Variants in BFSP1 observed in about 807,000 individuals in gnomAD.
The protein encoded by BFSP1 is beaded filament structural protein 1.
BFSP1 carries 38 observed loss-of-function variants against 43.9 expected under a neutral mutation model. The ratio of observed to expected loss-of-function variants is 0.87; its 90% CI spans 0.67 to 1.14. The LOEUF (loss-of-function observed/expected upper bound fraction) is 1.14, where lower values mean the gene tolerates loss of function less well. Ranked by LOEUF, BFSP1 falls within the 50% of genes most tolerant of loss-of-function variation. The probability of loss-of-function intolerance (pLI) is 0.00; values close to 1 mark genes in which losing one functional copy is unlikely to be tolerated. For missense variants in BFSP1, 850 were observed against 875.1 expected, an observed-to-expected ratio of 0.97 and a Z score of 0.36; for synonymous variants, 352 against 354.8, an observed-to-expected ratio of 0.99 and a Z score of 0.09.
Position 17,496,984 on chromosome 20 carries a change from G to A in BFSP1, c.996C>T (p.Phe332=). 6.5e-7 allele frequency: 1 copy of A among 1,544,594 alleles called. No homozygotes were observed. Among genetic ancestry groups the A allele is most frequent in the Non-Finnish European group, 8.7e-7 (1 of 1,145,234 alleles). Residue 332 remains phenylalanine, a synonymous_variant, in exon 7 of 8, where the codon TTC becomes TTT. Coordinates refer to ENST00000377873, the MANE Select transcript of BFSP1 (RefSeq NM_001195.5). The part of the protein sequence containing the change: ...SAFIETPIPL[F]TQSHGVSLST... ...TGAGAGAGACTCCATGGCTCTGGGT[G>A]AACAGGGGAATGGGAGTTTCAATGA... is the stretch of plus-strand genomic sequence containing the variant.
At chr20:17,496,545 G>A (rs2033636224) in intron 7 of BFSP1, among the ~76,000 whole-genome samples, 3 of 152,192 alleles carry the variant, frequency 2.0e-5, no homozygotes, top group Admixed American at 2.0e-4. Context: ...GGGAGGCGGT[G>A]GGATGTGATC....
intron 1 of BFSP1, among the ~76,000 whole-genome samples, chr20:17,558,204 AT>A (rs1407062642): frequency 6.6e-6 from 1 of 151,044 alleles, no homozygotes; most frequent in Non-Finnish European, 1.5e-5. Flanking sequence ...AACCTCATTA[AT>A]TTTTATGATG....
intron 1 of BFSP1, among the ~76,000 whole-genome samples, chr20:17,551,370 C>G (rs1037324710): frequency 6.6e-6 from 1 of 152,158 alleles, no homozygotes; most frequent in African/African-American, 2.4e-5. Flanking sequence ...AGAGTTCACT[C>G]ACTGTCACAA....
rs2033577769 is a variant in BFSP1, at chr20:17,494,508, C to G, written c.1564G>C (p.Glu522Gln). 1.9e-6 allele frequency: 3 copies of G among 1,614,198 alleles called. No homozygotes were observed. Among genetic ancestry groups the G allele is most frequent in the Non-Finnish European group, 2.5e-6 (3 of 1,180,032 alleles). ...TCCTGCAGACCCACCTGCCCATTCT[C>G]TAAAGGGGGCTTGGGTGACTCAGGA... ...PSPESPKPPL[E>Q]NGQVGLQEKE... The change falls in exon 8 of 8, where the codon GAG (glutamate) becomes CAG (glutamine). Residue 522 changes from glutamate to glutamine, a missense_variant. By Grantham distance (29) the Glu-to-Gln change is conservative. Transcript: ENST00000377873.
At chr20:17,503,739 GCACA>G (rs1010047574) in intron 5 of BFSP1, among the ~76,000 whole-genome samples, 1 of 152,066 alleles carries the variant, frequency 6.6e-6, no homozygotes, top group Non-Finnish European at 1.5e-5. Context: ...ACACGTGCGT[GCACA>G]CACACACACT....
At chr20:17,553,776 C>CATATATATATATATATAT (rs1204969085) in intron 1 of BFSP1, among the ~76,000 whole-genome samples, 30 of 106,162 alleles carry the variant, frequency 2.8e-4, no homozygotes, top group African/African-American at 6.6e-4. Context: ...AATATATAAA[C>CATATATATATATATATAT]ATATATATAT....
At chr20:17,529,064 A>AGTGTGTGTGTGTGTGTGTGTGTGT (rs11473581) in intron 1 of BFSP1, among the ~76,000 whole-genome samples, 4 of 147,096 alleles carry the variant, frequency 2.7e-5, no homozygotes, top group African/African-American at 7.8e-5. Context: ...TGGTTAAATA[A>AGTGTGTGTGTGTGTGTGTGTGTGT]GTGTGTGTGT....
rs371024985 is a variant in BFSP1, at chr20:17,498,814, G to A, written c.956+6C>T. ...AGTGGCCTGGATGGGGAGGGCACAC[G>A]CTCACCTGTTGCCTTCAATCTCGAT... On this transcript the variant is annotated splice_donor_region_variant and intron_variant, in intron 6 of 7. Coordinates refer to ENST00000377873, the MANE Select transcript of BFSP1 (RefSeq NM_001195.5). 133 of 1,611,314 alleles carry A rather than the reference G, an allele frequency of 8.3e-5. No individual in the cohort carries two copies. Among genetic ancestry groups the A allele is most frequent in the African/African-American group, 1.7e-4 (13 of 74,856 alleles).
intron 1 of BFSP1, among the ~76,000 whole-genome samples, chr20:17,552,293 A>C (rs1568717022): frequency 6.6e-6 from 1 of 152,282 alleles, no homozygotes; most frequent in Middle Eastern, 3.4e-3. Context: ...ATGGGGAAGA[A>C]TAAATATAAT....
chr20:17,548,180 CAAAAAAAA>C (rs11470598), intron 1 of BFSP1, among the ~76,000 whole-genome samples: 3 of 119,856 alleles, frequency 2.5e-5, no homozygotes, highest in Admixed American at 9.1e-5. Context: ...GAAAATAATG[CAAAAAAAA>C]AAAAAAAAAA....
upstream of BFSP1, among the ~76,000 whole-genome samples, chr20:17,559,933 A>G (rs1384979418): frequency 2.0e-5 from 3 of 152,056 alleles, no homozygotes; most frequent in Non-Finnish European, 4.4e-5. Context: ...CTGGCAGTGG[A>G]AATATTGGAG....
upstream of BFSP1, among the ~76,000 whole-genome samples, chr20:17,561,186 G>A (rs944410277): frequency 6.6e-6 from 1 of 152,190 alleles, no homozygotes; most frequent in Admixed American, 6.5e-5. Flanking sequence ...ACAACAACCG[G>A]ATCAGAAGTG....
chr20:17,514,803 G>C lies in BFSP1; in HGVS notation c.452C>G (p.Ala151Gly), dbSNP rs201290418. ...LERLNKEADE[A>G]LLHNLRLQLE... Reference sequence around the variant, plus strand: ...CTGAAGGCGTAGGTTATGCAGCAAGGCTTCATCAGCTTCCTGCAATGAGAG... The same window carrying C: ...CTGAAGGCGTAGGTTATGCAGCAAGCCTTCATCAGCTTCCTGCAATGAGAG... The change falls in exon 3 of 8, where the codon GCC (alanine) becomes GGC (glycine). Residue 151 changes from alanine (A) to glycine (G), a missense_variant. Physicochemically the swap from Ala to Gly is moderately conservative, Grantham distance 60. Transcript: ENST00000377873. 46 of 1,613,630 alleles carry C rather than the reference G, an allele frequency of 2.9e-5. No individual in the cohort carries two copies. In the African/African-American group the frequency reaches 4.4e-4, roughly 15 times the overall value.
intron 5 of BFSP1, among the ~76,000 whole-genome samples, chr20:17,500,025 A>C (rs1382756375): frequency 1.3e-5 from 2 of 152,160 alleles, no homozygotes; most frequent in African/African-American, 4.8e-5. Flanking sequence ...ATAGCAAAAA[A>C]ATAAGTAAAA....
intron 1 of BFSP1, among the ~76,000 whole-genome samples, chr20:17,556,412 C>G (rs1238663511): frequency 6.6e-6 from 1 of 152,082 alleles, no homozygotes; most frequent in Non-Finnish European, 1.5e-5. Context: ...GTGGAAGGAT[C>G]TCTTGAACCC....
intron 3 of BFSP1, among the ~76,000 whole-genome samples, chr20:17,514,111 C>A (rs2034147190): frequency 6.6e-6 from 1 of 152,198 alleles, no homozygotes; most frequent in Non-Finnish European, 1.5e-5. Flanking sequence ...CCCTGAGGCA[C>A]CCACAGGTCT....
chr20:17,543,357 G>C (rs1568712322), intron 1 of BFSP1, among the ~76,000 whole-genome samples: 1 of 152,184 alleles, frequency 6.6e-6, no homozygotes, highest in African/African-American at 2.4e-5. Flanking sequence ...GAATGAATAT[G>C]CCTCACACAG....
intron 1 of BFSP1, among the ~76,000 whole-genome samples, chr20:17,537,086 C>A (rs777843726): frequency 9.9e-5 from 15 of 152,262 alleles, no homozygotes; most frequent in Middle Eastern, 3.4e-3. Context: ...TTTTACCATC[C>A]GTCCTTTACC....
intron 1 of BFSP1, among the ~76,000 whole-genome samples, chr20:17,556,713 G>GT (rs111541025): frequency 1.6e-4 from 24 of 147,522 alleles, no homozygotes; most frequent in South Asian, 8.6e-4. Context: ...TCTACCCAGA[G>GT]TTTTTTTTTT....
Sources: gnomAD v4.1 joint callset for allele counts (sites outside exome capture counted in the v4.1 genomes callset) on GRCh38, gnomAD v4.1.1 for gene constraint, MANE v1.5 for transcripts, NCBI Gene and HGNC (gene_info 2026-07-23, HGNC 2026-07-21) for gene names.